The following MCU variants were observed in gnomAD, a reference collection of about 807,000 sequenced individuals.
MCU encodes the protein calcium uniporter protein, mitochondrial.
A neutral mutation model predicts 45.2 loss-of-function variants in MCU; 12 were observed. The ratio of observed to expected loss-of-function variants is 0.27; its 90% confidence interval spans 0.17 to 0.43. The LOEUF (loss-of-function observed/expected upper bound fraction) is 0.43. MCU is among the 20% of genes least tolerant of loss of function. The pLI, the probability that MCU is intolerant of heterozygous loss-of-function variation, is 1.00. For missense variants in MCU, 324 were observed against 436.7 expected (o/e 0.74, Z 2.30); for synonymous variants, 160 against 165.1 (o/e 0.97, Z 0.24).
At chr10:72,813,457 T>G (rs1327173169) in intron 1 of MCU, among the ~76,000 whole-genome samples, 1 of 133,432 alleles carries the variant, frequency 7.5e-6, no homozygotes, top group African/African-American at 2.9e-5. Context: ...TCTCTTTTTT[T>G]TTTTTTTTTT....
chr10:72,824,486 G>C (rs1440691782), intron 1 of MCU, among the ~76,000 whole-genome samples: 1 of 151,808 alleles, frequency 6.6e-6, no homozygotes, highest in Non-Finnish European at 1.5e-5. Flanking sequence ...TGGGATTACA[G>C]GCGTGAGGCA....
intron 2 of MCU, among the ~76,000 whole-genome samples, chr10:72,857,779 G>A (rs1429484671): frequency 6.6e-6 from 1 of 151,970 alleles, no homozygotes; most frequent in Non-Finnish European, 1.5e-5. Flanking sequence ...TGTTCTACTG[G>A]GACCCTACAA....
chr10:72,860,588 AT>A (rs901146038), intron 4 of MCU, 61 bp downstream of exon 4: 39 of 1,356,070 alleles, frequency 2.9e-5, no homozygotes, highest in Non-Finnish European at 3.8e-5. Flanking sequence ...AAATAACTTT[AT>A]TTTTTTTCCT....
chr10:72,860,652 A>T (rs1845362585), intron 4 of MCU, 125 bp downstream of exon 4: 7 of 665,188 alleles, frequency 1.1e-5, no homozygotes, highest in Non-Finnish European at 1.8e-5. Flanking sequence ...AGTTTTATAT[A>T]CAGATAGACA....
At chr10:72,825,332 C>T (rs1211921700) in intron 1 of MCU, among the ~76,000 whole-genome samples, 1 of 152,144 alleles carries the variant, frequency 6.6e-6, no homozygotes, top group Non-Finnish European at 1.5e-5. Flanking sequence ...TTTCTCTCTA[C>T]CTATGTACAT....
intron 1 of MCU, among the ~76,000 whole-genome samples, chr10:72,833,296 T>G (rs757560255): frequency 6.6e-6 from 1 of 152,208 alleles, no homozygotes; most frequent in Non-Finnish European, 1.5e-5. Context: ...TAATTCCTAA[T>G]GAATCAAAGA....
At chr10:72,869,005 A>G (rs1222966958) in intron 5 of MCU, 142 bp downstream of exon 5, 1 of 852,338 alleles carries the variant, frequency 1.2e-6, no homozygotes, top group Non-Finnish European at 1.7e-6. Context: ...GAACCATAAA[A>G]AAGTTTAAGT....
intron 1 of MCU, among the ~76,000 whole-genome samples, chr10:72,743,158 C>T (rs547081115): frequency 1.6e-4 from 24 of 151,900 alleles, no homozygotes; most frequent in Admixed American, 3.3e-4. Flanking sequence ...CCTGTAATCC[C>T]GGCACTTTGG....
intron 1 of MCU, among the ~76,000 whole-genome samples, chr10:72,763,877 T>C (rs1016485319): frequency 2.0e-5 from 3 of 152,144 alleles, no homozygotes; most frequent in African/African-American, 7.2e-5. Flanking sequence ...AAGAAAGCTA[T>C]GAGAGGTGTA....
At chr10:72,766,322 C>T (rs1364373521) in intron 1 of MCU, among the ~76,000 whole-genome samples, 1 of 152,146 alleles carries the variant, frequency 6.6e-6, no homozygotes, top group Non-Finnish European at 1.5e-5. Context: ...TTAAACCCAA[C>T]GTGTCTTAAT....
intron 1 of MCU, chr10:72,692,622 C>T (rs1842637329): frequency 9.1e-7 from 1 of 1,103,072 alleles, no homozygotes; most frequent in Non-Finnish European, 1.1e-6. Context: ...CTCCCTTCTT[C>T]GTTCTTAACA....
At chr10:72,869,955 AATGTGTT>A (rs1210805723) in intron 5 of MCU, among the ~76,000 whole-genome samples, 1 of 152,222 alleles carries the variant, frequency 6.6e-6, no homozygotes, top group East Asian at 1.9e-4. Context: ...CCAATTTTTA[AATGTGTT>A]ATATATATAC....
intron 1 of MCU, among the ~76,000 whole-genome samples, chr10:72,734,690 C>T (rs553530550): frequency 1.2e-4 from 19 of 152,132 alleles, no homozygotes; most frequent in African/African-American, 2.9e-4. Flanking sequence ...CATGGCTCAC[C>T]GCAGCCTTGA....
chr10:72,811,067 A>C (rs1170750118), intron 1 of MCU, among the ~76,000 whole-genome samples: 1 of 152,254 alleles, frequency 6.6e-6, no homozygotes, highest in African/African-American at 2.4e-5. Context: ...AGAAATAGCT[A>C]TTCAGTGTAT....
intron 1 of MCU, among the ~76,000 whole-genome samples, chr10:72,794,165 A>G (rs764869949): frequency 1.3e-5 from 2 of 152,154 alleles, no homozygotes; most frequent in Non-Finnish European, 2.9e-5. Flanking sequence ...CCTTGGTCGC[A>G]GTTACTTTCA....
At chr10:72,757,431 C>T (rs918933281) in intron 1 of MCU, among the ~76,000 whole-genome samples, 1 of 152,176 alleles carries the variant, frequency 6.6e-6, no homozygotes, top group African/African-American at 2.4e-5. Context: ...CTTCCCCAAC[C>T]CCCACCCAAA....
At chr10:72,838,037 A>G (rs1429619133) in intron 2 of MCU, among the ~76,000 whole-genome samples, 1 of 149,208 alleles carries the variant, frequency 6.7e-6, no homozygotes, top group Non-Finnish European at 1.5e-5. Context: ...TTTTTTTTGT[A>G]TATTTAGTAG....
chr10:72,767,422 T>G (rs190196637), intron 1 of MCU, among the ~76,000 whole-genome samples: 71 of 152,288 alleles, frequency 4.7e-4, no homozygotes, highest in Admixed American at 8.5e-4. Context: ...AGAATGAAAA[T>G]ATTTTGATTT....
chr10:72,740,468 A>C (rs1286859965), intron 1 of MCU, among the ~76,000 whole-genome samples: 2 of 152,128 alleles, frequency 1.3e-5, no homozygotes, highest in Non-Finnish European at 2.9e-5. Context: ...GAAGCTCCAT[A>C]ATTTGTTAAT....
Sources: gnomAD v4.1 joint callset for allele counts (sites outside exome capture counted in the v4.1 genomes callset) on GRCh38, gnomAD v4.1.1 for gene constraint, MANE v1.5 for transcripts, NCBI Gene and HGNC (gene_info 2026-07-23, HGNC 2026-07-21) for gene names.